The following RASSF3 variants were observed in gnomAD, a reference collection of about 807,000 sequenced individuals.
RASSF3 encodes the protein ras association domain-containing protein 3.
RASSF3 carries 19 observed loss-of-function variants against 19.9 expected under a neutral mutation model. That is an observed-to-expected ratio of 0.96 (90% confidence interval 0.67 to 1.40). The LOEUF is 1.40. Ranked by LOEUF, RASSF3 falls within the 40% of genes most tolerant of loss-of-function variation. The probability of loss-of-function intolerance (pLI) is 0.00; values close to 1 mark genes in which losing one functional copy is unlikely to be tolerated. For synonymous variants in RASSF3, 110 were observed against 104.2 expected, an observed-to-expected ratio of 1.06 and a Z score of -0.34; for missense variants, 306 against 289.8, an observed-to-expected ratio of 1.06 and a Z score of -0.41.
intron 1 of RASSF3, among the ~76,000 whole-genome samples, chr12:64,662,553 A>AT (rs1270991948): frequency 6.6e-6 from 1 of 152,132 alleles, no homozygotes; most frequent in African/African-American, 2.4e-5. Context: ...TGGGTGACAG[A>AT]TTGAGACCCT....
intron 2 of RASSF3, among the ~76,000 whole-genome samples, chr12:64,687,318 C>A (rs1222171912): frequency 6.6e-6 from 1 of 151,844 alleles, no homozygotes; most frequent in Non-Finnish European, 1.5e-5. Context: ...ATACTGAATA[C>A]AAAAATAAAA....
intron 1 of RASSF3, among the ~76,000 whole-genome samples, chr12:64,658,099 A>AAGTG (rs1293317048): frequency 6.6e-6 from 1 of 152,126 alleles, no homozygotes; most frequent in Non-Finnish European, 1.5e-5. Flanking sequence ...CCTGTGGTAG[A>AAGTG]AGTGTGGGTG....
At chr12:64,630,536 C>T (rs956660391) in intron 1 of RASSF3, among the ~76,000 whole-genome samples, 1 of 151,864 alleles carries the variant, frequency 6.6e-6, no homozygotes, top group Non-Finnish European at 1.5e-5. Flanking sequence ...AAAAACAAAA[C>T]GAAATTTAAA....
At chr12:64,626,290 T>G (rs1870988840) in intron 1 of RASSF3, among the ~76,000 whole-genome samples, 1 of 151,940 alleles carries the variant, frequency 6.6e-6, no homozygotes, top group Admixed American at 6.6e-5. Context: ...ATCCCAACAC[T>G]TTGGGAGGCC....
At chr12:64,688,648 G>A (rs1873454827) in intron 3 of RASSF3, among the ~76,000 whole-genome samples, 195 bp downstream of exon 3, 1 of 152,162 alleles carries the variant, frequency 6.6e-6, no homozygotes, top group South Asian at 2.1e-4. Flanking sequence ...GGACAGTTGA[G>A]GGTCTGAGGA....
intron 1 of RASSF3, among the ~76,000 whole-genome samples, chr12:64,619,944 C>T (rs926936914): frequency 3.4e-5 from 5 of 146,144 alleles, no homozygotes; most frequent in African/African-American, 1.3e-4. Context: ...TGCGCCACTG[C>T]ACTCCAGCTT....
intron 1 of RASSF3, among the ~76,000 whole-genome samples, chr12:64,662,974 T>G (rs1172336568): frequency 1.3e-5 from 2 of 152,202 alleles, no homozygotes; most frequent in Admixed American, 6.5e-5. Context: ...TGCTAAGCAC[T>G]CAATAAATTT....
intron 2 of RASSF3, among the ~76,000 whole-genome samples, chr12:64,584,165 CAG>C (rs1869751593): frequency 6.6e-6 from 1 of 152,200 alleles, no homozygotes; most frequent in African/African-American, 2.4e-5. Context: ...CAGAAAGAAA[CAG>C]AATTAAAAAG....
At chr12:64,672,321 G>A (rs1019971284) in intron 1 of RASSF3, among the ~76,000 whole-genome samples, 1 of 152,144 alleles carries the variant, frequency 6.6e-6, no homozygotes, top group Non-Finnish European at 1.5e-5. Flanking sequence ...CGCCTCCTGA[G>A]TTCAAGCGAT....
intron 2 of RASSF3, among the ~76,000 whole-genome samples, chr12:64,589,662 T>C (rs561339899): frequency 6.6e-6 from 1 of 152,204 alleles, no homozygotes; most frequent in East Asian, 1.9e-4. Flanking sequence ...CTCATACCTG[T>C]AATCCCAGTA....
intron 4 of RASSF3, among the ~76,000 whole-genome samples, chr12:64,692,444 A>G (rs990101005): frequency 1.3e-5 from 2 of 152,198 alleles, no homozygotes; most frequent in Non-Finnish European, 1.5e-5. Context: ...TTGAGTCACA[A>G]TTAGAAATGT....
intron 2 of RASSF3, among the ~76,000 whole-genome samples, chr12:64,590,002 A>G (rs554274050): frequency 2.7e-5 from 4 of 145,468 alleles, no homozygotes; most frequent in African/African-American, 1.0e-4. Context: ...ACTCGGTCTC[A>G]GGAAAAAAAA....
intron 1 of RASSF3, among the ~76,000 whole-genome samples, chr12:64,667,331 C>CAAAAG (rs1188614872): frequency 6.6e-6 from 1 of 151,888 alleles, no homozygotes; most frequent in Non-Finnish European, 1.5e-5. Context: ...TATTTTCTTT[C>CAAAAG]TTTCTTTCTT....
At chr12:64,557,902 G>A (rs1869280146) in intron 2 of RASSF3, among the ~76,000 whole-genome samples, 1 of 152,094 alleles carries the variant, frequency 6.6e-6, no homozygotes, top group African/African-American at 2.4e-5. Flanking sequence ...GGGTCCCCTG[G>A]TCAGATGCTA....
At chr12:64,610,348 G>C (rs1460092969), upstream of RASSF3, among the ~76,000 whole-genome samples, 2 of 150,064 alleles carry the variant, frequency 1.3e-5, no homozygotes, top group East Asian at 3.9e-4. Context: ...ACCTGCGGGC[G>C]GGCGGGGAGG....
intron 1 of RASSF3, among the ~76,000 whole-genome samples, chr12:64,539,796 A>G (rs1005864912): frequency 6.6e-6 from 1 of 152,280 alleles, no homozygotes. Flanking sequence ...AAAATTTCTC[A>G]TACCATTAAA....
At chr12:64,544,254 C>T (rs1869011660), downstream of RASSF3, among the ~76,000 whole-genome samples, 1 of 151,882 alleles carries the variant, frequency 6.6e-6, no homozygotes, top group African/African-American at 2.4e-5. Flanking sequence ...GAGGAATGAA[C>T]AACTCCAGAC....
At chr12:64,662,123 G>A (rs1872388942) in intron 1 of RASSF3, among the ~76,000 whole-genome samples, 1 of 151,928 alleles carries the variant, frequency 6.6e-6, no homozygotes, top group Non-Finnish European at 1.5e-5. Flanking sequence ...TGGGGAAGTA[G>A]GTAATAAGAT....
intron 2 of RASSF3, among the ~76,000 whole-genome samples, chr12:64,570,821 G>C (rs531019593): frequency 6.6e-6 from 1 of 152,142 alleles, no homozygotes; most frequent in African/African-American, 2.4e-5. Flanking sequence ...TGTCATCTCA[G>C]CGTGGCTCCG....
Sources: gnomAD v4.1 joint callset for allele counts (sites outside exome capture counted in the v4.1 genomes callset) on GRCh38, gnomAD v4.1.1 for gene constraint, MANE v1.5 for transcripts, NCBI Gene and HGNC (gene_info 2026-07-23, HGNC 2026-07-21) for gene names.